Variants in HLCS observed in about 807,000 individuals in gnomAD.
The protein encoded by HLCS is biotin--protein ligase.
Under a neutral mutation model 75.0 loss-of-function variants are expected in HLCS, and 53 were observed. The ratio of observed to expected loss-of-function variants is 0.71; its 90% CI spans 0.57 to 0.89. The LOEUF (loss-of-function observed/expected upper bound fraction) is 0.89, where lower values mean the gene tolerates loss of function less well. Among genes scored for constraint, HLCS ranks in the 40% least tolerant of loss-of-function variants. HLCS has a pLI of 0.00. For missense variants in HLCS, 966 were observed against 1,074.0 expected (o/e 0.90, Z 1.41); for synonymous variants, 431 against 428.6 (o/e 1.01, Z -0.07).
chr21:36,932,001 C>T (rs1424910603), intron 4 of HLCS, among the ~76,000 whole-genome samples: 1 of 152,160 alleles, frequency 6.6e-6, no homozygotes, highest in Non-Finnish European at 1.5e-5. Flanking sequence ...TGGTCCTGAT[C>T]TGAGCAAGTG....
chr21:36,948,022 T>C (rs1318107935), intron 2 of HLCS: 2 of 982,634 alleles, frequency 2.0e-6, no homozygotes, highest in Middle Eastern at 5.2e-4. Flanking sequence ...CCAGGCGCGG[T>C]GGCTCACACC....
chr21:36,935,000 G>A (rs2066814102), intron 4 of HLCS, among the ~76,000 whole-genome samples: 1 of 152,162 alleles, frequency 6.6e-6, no homozygotes, highest in Non-Finnish European at 1.5e-5. Context: ...TTTTATGATA[G>A]TAATGGGGTC....
At position 36,849,788 on chromosome 21, in the gene HLCS, T is replaced by G. The variant is rs1190744276; in HGVS notation, c.1892+47072A>C. Reference sequence around the variant, plus strand: ...CCTTCCAGTGCATTTCTTTTCTGCTTAAGTGGCCCAGGTCAATTTCTGTTG... The same window carrying G: ...CCTTCCAGTGCATTTCTTTTCTGCTGAAGTGGCCCAGGTCAATTTCTGTTG... On this transcript the variant is annotated intron_variant, in intron 6 of 10. Transcript: ENST00000674895. Among the ~76,000 whole-genome samples the G allele has an allele frequency of 2.0e-5, 3 of 152,206 alleles. No homozygotes were observed. In the East Asian group the frequency reaches 5.8e-4, roughly 29 times the overall value.
At chr21:36,918,594 G>A (rs938948273) in intron 5 of HLCS, among the ~76,000 whole-genome samples, 5 of 152,126 alleles carry the variant, frequency 3.3e-5, no homozygotes, top group South Asian at 2.1e-4. Context: ...AATCAATACC[G>A]TCCCTGCTAA....
At chr21:36,802,967 T>G (rs1487010768) in intron 6 of HLCS, among the ~76,000 whole-genome samples, 1 of 152,238 alleles carries the variant, frequency 6.6e-6, no homozygotes, top group Non-Finnish European at 1.5e-5. Context: ...TGGGTGTAGA[T>G]ATGGGTGAAC....
intron 5 of HLCS, among the ~76,000 whole-genome samples, chr21:36,902,695 C>T (rs933466439): frequency 1.3e-5 from 2 of 152,068 alleles, no homozygotes; most frequent in Admixed American, 6.6e-5. Flanking sequence ...GAGGGAGGAA[C>T]GAACATGACA....
At chr21:36,763,301 C>T (rs938558792) in intron 8 of HLCS, among the ~76,000 whole-genome samples, 9 of 152,190 alleles carry the variant, frequency 5.9e-5, no homozygotes, top group South Asian at 2.1e-4. Flanking sequence ...TGAGCCACCG[C>T]GCCTGGCCAG....
chr21:36,752,612 G>A lies in HLCS; in HGVS notation c.*1634C>T, dbSNP rs1038160095. ...TCTAACTAATTTTGAAAGAAGGCTT[G>A]GGCATTTGGAGAAGAGTGGTTTTTT... On this transcript the variant is annotated 3_prime_UTR_variant, in exon 11 of 11. Coordinates refer to ENST00000674895, the MANE Select transcript of HLCS (RefSeq NM_001352514.2). The A allele has an allele frequency of 6.6e-6, 1 of 152,580 alleles. No individual in the cohort carries two copies. The highest frequency in any genetic ancestry group is 6.5e-5 in the Admixed American group (1 of 15,286). The allele number at this position is 152,580 out of a possible 1,614,324, so 9.5% of individuals were successfully genotyped here. A position where few individuals can be genotyped will look rare whatever the true frequency, so the allele number is the denominator to read the frequency against.
At chr21:36,766,033 C>CCGTT (rs2065223733) in intron 7 of HLCS, among the ~76,000 whole-genome samples, 2 of 151,950 alleles carry the variant, frequency 1.3e-5, no homozygotes, top group African/African-American at 4.8e-5. Flanking sequence ...TTCTTTACTT[C>CCGTT]CTTTCTTTCT....
At chr21:36,838,329 C>CA (rs397934472) in intron 6 of HLCS, among the ~76,000 whole-genome samples, 15,837 of 150,370 alleles carry the variant, frequency 0.11, 2,029 homozygotes, top group African/African-American at 0.31. Flanking sequence ...CACACACACA[C>CA]CCCCACAACC....
intron 6 of HLCS, among the ~76,000 whole-genome samples, chr21:36,818,467 G>C (rs1438611945): frequency 6.6e-6 from 1 of 152,204 alleles, no homozygotes; most frequent in Non-Finnish European, 1.5e-5. Context: ...ACTGGGGAGA[G>C]AGGGGCCAGT....
chr21:36,959,502 G>A (rs1422972384), intron 2 of HLCS, among the ~76,000 whole-genome samples: 1 of 152,212 alleles, frequency 6.6e-6, no homozygotes, highest in African/African-American at 2.4e-5. Context: ...CGGGTCCCTG[G>A]TGACGCCCTG....
chr21:36,850,187 A>G (rs1157583461), intron 6 of HLCS, among the ~76,000 whole-genome samples: 1 of 152,242 alleles, frequency 6.6e-6, no homozygotes, highest in East Asian at 1.9e-4. Context: ...TTTCCTATAA[A>G]TACATTAAAA....
At chr21:36,774,594 G>T (rs940073287) in intron 6 of HLCS, among the ~76,000 whole-genome samples, 3 of 152,162 alleles carry the variant, frequency 2.0e-5, no homozygotes, top group African/African-American at 7.2e-5. Context: ...GGAAGGAATG[G>T]AATGGTGGGG....
At chr21:36,919,639 G>T (rs553069012) in intron 5 of HLCS, among the ~76,000 whole-genome samples, 4 of 152,194 alleles carry the variant, frequency 2.6e-5, no homozygotes. Context: ...TAAAAGACAA[G>T]TTAGCACACA....
chr21:36,774,164 A>C (rs1315084776), intron 6 of HLCS, among the ~76,000 whole-genome samples: 4 of 152,182 alleles, frequency 2.6e-5, no homozygotes, highest in African/African-American at 4.8e-5. Context: ...CCGACTTCTG[A>C]CAGGTGACTT....
intron 6 of HLCS, among the ~76,000 whole-genome samples, chr21:36,858,260 T>A (rs1157209038): frequency 1.3e-5 from 2 of 152,352 alleles, no homozygotes; most frequent in Middle Eastern, 6.8e-3. Flanking sequence ...TTTTAATATT[T>A]AATTCACTCA....
rs781374760 is a variant in HLCS at position 36,936,847 on chromosome 21, G to A, written c.1039C>T (p.Leu347=). ...TCTCTGAGAGCACTGTCCTCCAGCAGGTGGTAGAGAATATAACTGTCAATG... is the reference window on the plus strand; with the variant it reads ...TCTCTGAGAGCACTGTCCTCCAGCAAGTGGTAGAGAATATAACTGTCAATG... The part of the protein sequence containing the change: ...VDIDSYILYH[L]LEDSALRDPW... Residue 347 remains leucine (L), a synonymous_variant, in exon 4 of 11, where the codon CTG becomes TTG. Transcript: ENST00000674895. The A allele has an allele frequency of 6.2e-7, 1 of 1,614,190 alleles. No homozygotes were observed. Among genetic ancestry groups the A allele is most frequent in the Non-Finnish European group, 8.5e-7 (1 of 1,180,042 alleles).
At chr21:36,837,384 T>C (rs1457691626) in intron 6 of HLCS, among the ~76,000 whole-genome samples, 1 of 152,118 alleles carries the variant, frequency 6.6e-6, no homozygotes, top group Non-Finnish European at 1.5e-5. Flanking sequence ...CAACTCGAAA[T>C]CCCCAACTAC....
Sources: allele counts gnomAD v4.1 joint callset (sites outside exome capture counted in the v4.1 genomes callset), GRCh38; gene constraint gnomAD v4.1.1; transcripts MANE v1.5; gene names NCBI Gene and HGNC (gene_info 2026-07-23, HGNC 2026-07-21).